IFT88: variants seen among roughly 807,000 people sequenced by gnomAD.
IFT88 encodes intraflagellar transport protein 88 homolog.
IFT88 carries 74 observed loss-of-function variants against 119.5 expected under a neutral mutation model. That is an observed-to-expected ratio of 0.62 (90% CI 0.51 to 0.75). IFT88 has a LOEUF of 0.75. IFT88 is among the 30% of genes least tolerant of loss of function. The probability of loss-of-function intolerance (pLI) is 0.00; values close to 1 mark genes in which losing one functional copy is unlikely to be tolerated. For synonymous variants in IFT88, 279 were observed against 316.7 expected (o/e 0.88, Z 1.26); for missense variants, 961 against 977.7 (o/e 0.98, Z 0.23).
chr13:20,625,265 G>C (rs1464432576), intron 14 of IFT88, among the ~76,000 whole-genome samples: 1 of 152,088 alleles, frequency 6.6e-6, no homozygotes. Context: ...GTTGTTGTGA[G>C]GGTTAAACGT....
chr13:20,590,918 A>G, intron 4 of IFT88, 49 bp from the exon 5 acceptor site: 1 of 1,318,250 alleles, frequency 7.6e-7, no homozygotes, highest in Non-Finnish European at 1.1e-6. Flanking sequence ...TAAACATTTA[A>G]GGCAGATATT....
Position 20,591,004 on chromosome 13 carries a change from T to G in IFT88, c.248T>G (p.Met83Arg), listed in dbSNP as rs1163765795. 6 of 1,610,062 alleles carry G rather than the reference T, an allele frequency of 3.7e-6. No homozygotes were observed. The highest frequency in any genetic ancestry group is 4.2e-6 in the Non-Finnish European group (5 of 1,177,522). Reference sequence around the variant, plus strand: ...CTGGCATCATCAATAGGAAGACCAATGACAGGGGCTATTCAGGTATCTCTA... The same window carrying G: ...CTGGCATCATCAATAGGAAGACCAAGGACAGGGGCTATTCAGGTATCTCTA... ...TSLASSIGRPMTGAIQDGVTR... is the reference protein window; with the variant it reads ...TSLASSIGRPRTGAIQDGVTR... The change falls in exon 5 of 26, where the codon ATG becomes AGG. Residue 83 changes from methionine (M) to arginine (R), a missense_variant. Physicochemically the swap from Met to Arg is moderately conservative, Grantham distance 91. Coordinates refer to ENST00000351808, the MANE Select transcript of IFT88 (RefSeq NM_006531.5).
chr13:20,597,679 G>C (rs1158818326), intron 9 of IFT88, among the ~76,000 whole-genome samples: 1 of 151,406 alleles, frequency 6.6e-6, no homozygotes, highest in African/African-American at 2.4e-5. Flanking sequence ...GGGAGGCGGA[G>C]CTTGCGGCGA....
chr13:20,684,412 T>C (rs1239469367), intron 24 of IFT88, among the ~76,000 whole-genome samples: 4 of 152,172 alleles, frequency 2.6e-5, no homozygotes, highest in Non-Finnish European at 4.4e-5. Flanking sequence ...GCAAACCTGC[T>C]CTGTCATCTC....
At chr13:20,617,280 T>TGGTGG (rs1048165283) in intron 14 of IFT88, among the ~76,000 whole-genome samples, 2 of 151,890 alleles carry the variant, frequency 1.3e-5, no homozygotes, top group South Asian at 2.1e-4. Flanking sequence ...AGGAGTGGGT[T>TGGTGG]GGTGGGGTGG....
chr13:20,598,674 G>A lies in IFT88; in HGVS notation c.618G>A (p.Gln206=). The A allele has an allele frequency of 1.9e-6, 3 of 1,610,264 alleles. No individual in the cohort carries two copies. The highest frequency in any genetic ancestry group is 2.5e-6 in the Non-Finnish European group (3 of 1,177,342). ...AGGTTCTTTTCAATTTGGCCAGTCAGTATTCAGTTAATGAAATGTATGCCG... is the reference window on the plus strand; with the variant it reads ...AGGTTCTTTTCAATTTGGCCAGTCAATATTCAGTTAATGAAATGTATGCCG... The part of the protein sequence containing the change: ...TYSVLFNLAS[Q]YSVNEMYAEA... The change falls in exon 10 of 26, where the codon CAG becomes CAA. Residue 206 remains glutamine, a synonymous_variant. Coordinates refer to ENST00000351808, the MANE Select transcript of IFT88 (RefSeq NM_006531.5).
chr13:20,687,096 ATCT>A (rs2058023066), intron 24 of IFT88, among the ~76,000 whole-genome samples: 5 of 151,526 alleles, frequency 3.3e-5, no homozygotes, highest in Admixed American at 3.3e-4. Flanking sequence ...CAAATAGGTC[ATCT>A]TCTTAGTATG....
At chr13:20,620,550 A>C (rs540199011) in intron 14 of IFT88, among the ~76,000 whole-genome samples, 28 of 152,288 alleles carry the variant, frequency 1.8e-4, no homozygotes, top group African/African-American at 6.5e-4. Flanking sequence ...ATTAGGACAT[A>C]AAGGTAGGAC....
intron 1 of IFT88, among the ~76,000 whole-genome samples, chr13:20,570,819 C>CTGAGTTA (rs11281324): frequency 6.6e-6 from 1 of 151,346 alleles, no homozygotes; most frequent in Non-Finnish European, 1.5e-5. Flanking sequence ...CTAAAAACCA[C>CTGAGTTA]TGCACCTTGA....
intron 2 of IFT88, among the ~76,000 whole-genome samples, chr13:20,580,830 A>G (rs1255796409): frequency 4.1e-5 from 6 of 145,644 alleles, no homozygotes; most frequent in Non-Finnish European, 3.0e-5. Flanking sequence ...GGTTCATGCC[A>G]TTCTCCTGCC....
intron 11 of IFT88, among the ~76,000 whole-genome samples, chr13:20,599,999 A>G (rs1412653419): frequency 6.6e-6 from 1 of 152,158 alleles, no homozygotes; most frequent in Admixed American, 6.5e-5. Context: ...ATTTTCTATT[A>G]TAATATTCAG....
intron 16 of IFT88, among the ~76,000 whole-genome samples, chr13:20,635,960 T>C (rs2048970535): frequency 6.6e-6 from 1 of 152,008 alleles, no homozygotes; most frequent in Admixed American, 6.6e-5. Context: ...TCTCAGCCTG[T>C]GTTCTGCCCT....
Position 20,615,820 on chromosome 13 carries a change from G to C in IFT88, c.1140G>C (p.Met380Ile). The C allele has an allele frequency of 6.2e-7, 1 of 1,604,098 alleles. No homozygotes were observed. Among genetic ancestry groups the C allele is most frequent in the Non-Finnish European group, 8.5e-7 (1 of 1,175,806 alleles). ...ERKAMAEKYI[M>I]TSAKLIAPVI... is the part of the protein sequence containing the mutation. ...AAGCCATGGCAGAAAAATATATTAT[G>C]ACATCTGCAAAACTCATTGCTCCTG... is the stretch of plus-strand genomic sequence containing the variant. The change falls in exon 14 of 26, where the codon ATG becomes ATC. Residue 380 changes from methionine to isoleucine, a missense_variant. Physicochemically the swap from Met to Ile is conservative, Grantham distance 10. Coordinates refer to ENST00000351808, the MANE Select transcript of IFT88 (RefSeq NM_006531.5).
intron 13 of IFT88, among the ~76,000 whole-genome samples, chr13:20,614,750 CAAAAT>C (rs1170235507): frequency 6.7e-6 from 1 of 149,444 alleles, no homozygotes; most frequent in Non-Finnish European, 1.5e-5. Flanking sequence ...ACAGTTGTCT[CAAAAT>C]AAAGTTCAAA....
At chr13:20,589,661 C>T (rs943544777) in intron 3 of IFT88, 150 bp from the exon 4 acceptor site, 8 of 363,486 alleles carry the variant, frequency 2.2e-5, no homozygotes, top group Non-Finnish European at 3.4e-5. Flanking sequence ...ACCTGAGCTC[C>T]CTAATATTTA....
At chr13:20,678,400 A>T (rs1211745418) in intron 24 of IFT88, among the ~76,000 whole-genome samples, 1 of 152,238 alleles carries the variant, frequency 6.6e-6, no homozygotes. Context: ...TATTATTGAC[A>T]GTAAGCCAGT....
intron 16 of IFT88, among the ~76,000 whole-genome samples, chr13:20,637,017 T>C (rs2049113537): frequency 6.6e-6 from 1 of 152,184 alleles, no homozygotes; most frequent in African/African-American, 2.4e-5. Flanking sequence ...CTTAAAAATA[T>C]TATGCTAAGT....
intron 23 of IFT88, 98 bp from the exon 24 acceptor site, chr13:20,670,875 G>A (rs1042594488): frequency 2.1e-6 from 2 of 939,556 alleles, no homozygotes; most frequent in African/African-American, 3.3e-5. Context: ...AGTCCTAAGG[G>A]TAATGTAGTA....
intron 17 of IFT88, among the ~76,000 whole-genome samples, chr13:20,640,673 G>C (rs994782721): frequency 6.6e-6 from 1 of 152,102 alleles, no homozygotes; most frequent in Non-Finnish European, 1.5e-5. Flanking sequence ...CCTCCCCACT[G>C]ATTTTAAATG....
Sources: gnomAD v4.1 joint callset for allele counts (sites outside exome capture counted in the v4.1 genomes callset) on GRCh38, gnomAD v4.1.1 for gene constraint, MANE v1.5 for transcripts, NCBI Gene and HGNC (gene_info 2026-07-23, HGNC 2026-07-21) for gene names.